Variants in GRK5 observed in about 807,000 individuals in gnomAD.
The protein encoded by GRK5 is g protein-coupled receptor kinase GRK5.
GRK5 carries 40 observed loss-of-function variants against 78.4 expected under a neutral mutation model. The observed-to-expected ratio is 0.51, with a 90% confidence interval of 0.40 to 0.66. GRK5 has a LOEUF of 0.66. Among genes scored for constraint, GRK5 ranks in the 30% least tolerant of loss-of-function variants. The pLI is 0.00. For synonymous variants in GRK5, 289 were observed against 296.8 expected (o/e 0.97, Z 0.27); for missense variants, 598 against 759.9 (o/e 0.79, Z 2.50).
rs539271058 is a variant in GRK5, at chr10:119,411,355, A to G, written c.340-11811A>G. Among the ~76,000 whole-genome samples, 6 of 152,246 alleles carry G rather than the reference A, an allele frequency of 3.9e-5. No individual in the cohort carries two copies. In the East Asian group the frequency reaches 1.2e-3, roughly 29 times the overall value. On this transcript the variant is annotated intron_variant, in intron 4 of 15. Coordinates refer to ENST00000392870, the MANE Select transcript of GRK5 (RefSeq NM_005308.3). ...TCCCACTTTCTCCTCCGCCAGACAC[A>G]CAAGACTCCAGAGAGCCCAGAGACC... is the stretch of plus-strand genomic sequence containing the variant.
At chr10:119,208,050 T>A (rs949707027) in intron 1 of GRK5, 81 bp downstream of exon 1, 4 of 1,380,940 alleles carry the variant, frequency 2.9e-6, no homozygotes, top group Non-Finnish European at 2.0e-6. Context: ...GGGCTGGGGC[T>A]GCGCCCGTGC....
At chr10:119,417,260 C>T (rs1182092824) in intron 4 of GRK5, among the ~76,000 whole-genome samples, 1 of 152,206 alleles carries the variant, frequency 6.6e-6, no homozygotes, top group Non-Finnish European at 1.5e-5. Flanking sequence ...GTGGTGCCCA[C>T]TGGGGTGGCT....
chr10:119,314,993 C>T (rs1359514681), intron 1 of GRK5, among the ~76,000 whole-genome samples: 4 of 152,230 alleles, frequency 2.6e-5, no homozygotes, highest in Non-Finnish European at 5.9e-5. Flanking sequence ...CCCACTCCAT[C>T]CCTTCCCTGC....
At chr10:119,424,482 C>T (rs935949289) in intron 5 of GRK5, among the ~76,000 whole-genome samples, 3 of 152,204 alleles carry the variant, frequency 2.0e-5, no homozygotes, top group Non-Finnish European at 4.4e-5. Flanking sequence ...CATAAAAAAA[C>T]TCCCAGTGGC....
At chr10:119,388,346 T>C (rs2133839623) in intron 3 of GRK5, among the ~76,000 whole-genome samples, 1 of 152,278 alleles carries the variant, frequency 6.6e-6, no homozygotes, top group South Asian at 2.1e-4. Context: ...TTTGTTGTTG[T>C]TCTTTTTTGA....
At chr10:119,351,054 G>A (rs910847356) in intron 2 of GRK5, among the ~76,000 whole-genome samples, 32 of 152,288 alleles carry the variant, frequency 2.1e-4, no homozygotes, top group African/African-American at 7.5e-4. Context: ...GGGAATGGAA[G>A]AGACATCTGC....
intron 2 of GRK5, among the ~76,000 whole-genome samples, 186 bp from the exon 3 acceptor site, chr10:119,380,629 G>T (rs1851695476): frequency 6.6e-6 from 1 of 152,194 alleles, no homozygotes; most frequent in Non-Finnish European, 1.5e-5. Flanking sequence ...GTCATCACTG[G>T]TGCCTTCTTC....
intron 8 of GRK5, among the ~76,000 whole-genome samples, chr10:119,432,105 G>A (rs1399656878): frequency 2.0e-5 from 3 of 152,236 alleles, no homozygotes; most frequent in African/African-American, 7.2e-5. Flanking sequence ...AGCCTTGAAA[G>A]TGAGTGCTAG....
chr10:119,221,459 C>T (rs1848655598), intron 1 of GRK5, among the ~76,000 whole-genome samples: 1 of 152,162 alleles, frequency 6.6e-6, no homozygotes, highest in African/African-American at 2.4e-5. Flanking sequence ...ACTTTGGAAG[C>T]TGAATGCTGT....
intron 6 of GRK5, among the ~76,000 whole-genome samples, chr10:119,426,992 ACCATCAACAGCATCACAG>A (rs1486062857): frequency 6.6e-6 from 1 of 151,302 alleles, no homozygotes; most frequent in Non-Finnish European, 1.5e-5. Flanking sequence ...CAACATCACC[ACCATCAACAGCATCACAG>A]CCATCAGCAG....
intron 10 of GRK5, 31 bp downstream of exon 10, chr10:119,439,799 G>C (rs201159409): frequency 6.2e-7 from 1 of 1,606,382 alleles, no homozygotes; most frequent in Non-Finnish European, 8.5e-7. Context: ...TAGCTGAGGT[G>C]AGCATTGCAA....
intron 2 of GRK5, among the ~76,000 whole-genome samples, chr10:119,372,129 C>T (rs1302572073): frequency 6.6e-6 from 1 of 152,196 alleles, no homozygotes; most frequent in Non-Finnish European, 1.5e-5. Context: ...GCCAAAATTT[C>T]CCGCTGCTGA....
intron 2 of GRK5, among the ~76,000 whole-genome samples, chr10:119,350,025 T>C (rs1181894890): frequency 1.3e-5 from 2 of 152,242 alleles, no homozygotes; most frequent in Non-Finnish European, 2.9e-5. Context: ...CACCCACTTA[T>C]AGGCAAAGCC....
intron 1 of GRK5, among the ~76,000 whole-genome samples, chr10:119,285,127 T>A (rs1357560875): frequency 6.6e-6 from 1 of 152,150 alleles, no homozygotes; most frequent in African/African-American, 2.4e-5. Flanking sequence ...AGTGAAGTCA[T>A]CAGACCTATA....
At chr10:119,304,392 G>A (rs1441291967) in intron 1 of GRK5, among the ~76,000 whole-genome samples, 1 of 144,858 alleles carries the variant, frequency 6.9e-6, no homozygotes, top group Non-Finnish European at 1.5e-5. Context: ...TAGGGTTCAA[G>A]CAATTCTCCC....
intron 4 of GRK5, among the ~76,000 whole-genome samples, chr10:119,414,426 C>A (rs1331046357): frequency 6.6e-6 from 1 of 152,184 alleles, no homozygotes; most frequent in Non-Finnish European, 1.5e-5. Flanking sequence ...TATACAAACA[C>A]CATTGGTCAA....
rs143121341 is a variant in GRK5, at chr10:119,442,714, G to A, written c.1057+626G>A. Among the ~76,000 whole-genome samples, 591 of 152,332 alleles carry A rather than the reference G, an allele frequency of 3.9e-3. 3 individuals carry two copies. The highest frequency in any genetic ancestry group is 0.014 in the African/African-American group (571 of 41,572). On this transcript the variant is annotated intron_variant, in intron 11 of 15. Coordinates refer to ENST00000392870, the MANE Select transcript of GRK5 (RefSeq NM_005308.3). ...GTGCCCGGGGAGCAGGCACGCTGCC[G>A]CCCTCTAGTCAGGCTGGTACTGACA... is the stretch of plus-strand genomic sequence containing the variant.
At chr10:119,407,929 C>T (rs187379000) in intron 4 of GRK5, among the ~76,000 whole-genome samples, 2 of 152,206 alleles carry the variant, frequency 1.3e-5, no homozygotes, top group African/African-American at 2.4e-5. Context: ...TTTGGGAGGC[C>T]AAGGCGGGCA....
intron 4 of GRK5, among the ~76,000 whole-genome samples, chr10:119,415,629 G>A (rs1443671383): frequency 6.6e-6 from 1 of 152,222 alleles, no homozygotes. Flanking sequence ...GGCAGTGGGT[G>A]GCAGAGACGC....
Sources: allele counts gnomAD v4.1 joint callset (sites outside exome capture counted in the v4.1 genomes callset), GRCh38; gene constraint gnomAD v4.1.1; transcripts MANE v1.5; gene names NCBI Gene and HGNC (gene_info 2026-07-23, HGNC 2026-07-21).